The following DOCK7 variants were observed in gnomAD, a reference collection of about 807,000 sequenced individuals.
The protein encoded by DOCK7 is dedicator of cytokinesis 7, also known as dedicator of cytokinesis protein 7.
Under a neutral mutation model 271.0 loss-of-function variants are expected in DOCK7, and 138 were observed. That is an observed-to-expected ratio of 0.51 (90% CI 0.44 to 0.59). The LOEUF (loss-of-function observed/expected upper bound fraction) is 0.59. DOCK7 is among the 20% of genes least tolerant of loss of function. The pLI is 0.00. For synonymous variants in DOCK7, 823 were observed against 876.1 expected (o/e 0.94, Z 1.07); for missense variants, 2,066 against 2,592.4 (o/e 0.80, Z 4.41).
chr1:62,602,394 A>G, intron 14 of DOCK7: 1 of 1,595,652 alleles, frequency 6.3e-7, no homozygotes, highest in Non-Finnish European at 8.6e-7. Context: ...AGGGGACTAC[A>G]TTCAATCATT....
At chr1:62,545,512 T>C (rs982639077) in intron 22 of DOCK7, among the ~76,000 whole-genome samples, 1 of 152,236 alleles carries the variant, frequency 6.6e-6, no homozygotes, top group African/African-American at 2.4e-5. Context: ...ATAATTCTAT[T>C]TGAGCTTGCT....
chr1:62,648,565 A>C (rs1656958568), intron 4 of DOCK7, 21 bp from the exon 5 acceptor site: 2 of 1,194,530 alleles, frequency 1.7e-6, no homozygotes, highest in East Asian at 6.0e-5. Context: ...AAAAAAGTTA[A>C]ATAAATATCA....
At position 62,686,157 on chromosome 1, in the gene DOCK7, C is replaced by CATT. The variant is rs1661699881; in HGVS notation, c.38+2069_38+2070insAAT. On this transcript the variant is annotated intron_variant, in intron 1 of 49. Transcript: ENST00000635253. ...ACTAGGAATACATGTCAAGTAATAA[C>CATT]TTTTTTTTTTTTTTTTTTTTTTTTT... Among the ~76,000 whole-genome samples, 16 of 4,210 alleles carry CATT rather than the reference C, an allele frequency of 3.8e-3. 7 individuals carry two copies. The highest frequency in any genetic ancestry group is 0.015 in the Admixed American group (2 of 136). The allele number at this position is 4,210 out of a possible 152,430, so 2.8% of individuals were successfully genotyped here.
chr1:62,532,087 G>A (rs1392850832), intron 29 of DOCK7, among the ~76,000 whole-genome samples: 1 of 152,162 alleles, frequency 6.6e-6, no homozygotes, highest in African/African-American at 2.4e-5. Flanking sequence ...CTGTTGTCTA[G>A]GCTGTGGCGT....
At chr1:62,571,563 A>C (rs1212632491) in intron 18 of DOCK7, among the ~76,000 whole-genome samples, 1 of 152,196 alleles carries the variant, frequency 6.6e-6, no homozygotes, top group Non-Finnish European at 1.5e-5. Flanking sequence ...TATATACCCA[A>C]AGGAATAGAA....
intron 9 of DOCK7, 131 bp downstream of exon 9, chr1:62,634,642 A>G: frequency 1.1e-6 from 1 of 945,492 alleles, no homozygotes; most frequent in Non-Finnish European, 1.6e-6. Flanking sequence ...TATGTCCAAT[A>G]TTGTGTTAAA....
intron 1 of DOCK7, among the ~76,000 whole-genome samples, chr1:62,679,957 AC>A (rs1173166203): frequency 6.6e-6 from 1 of 152,232 alleles, no homozygotes; most frequent in Non-Finnish European, 1.5e-5. Context: ...AAATGGCCAT[AC>A]TGCCCAAGGT....
intron 1 of DOCK7, among the ~76,000 whole-genome samples, chr1:62,677,583 G>A (rs577899882): frequency 1.6e-4 from 24 of 151,760 alleles, no homozygotes; most frequent in Admixed American, 7.2e-4. Flanking sequence ...AAAAGCCACC[G>A]AAAAAGCAGT....
intron 22 of DOCK7, among the ~76,000 whole-genome samples, chr1:62,546,731 T>C (rs1214852938): frequency 6.6e-6 from 1 of 152,126 alleles, no homozygotes; most frequent in Admixed American, 6.5e-5. Context: ...AGTAAGATTA[T>C]GCAATCAGAT....
At chr1:62,603,960 T>G (rs1308069792) in intron 14 of DOCK7, 1 of 1,612,266 alleles carries the variant, frequency 6.2e-7, no homozygotes, top group Admixed American at 1.7e-5. Flanking sequence ...TTAAAACTTT[T>G]CTTTTCAGGA....
At chr1:62,496,627 A>C in intron 37 of DOCK7, 130 bp from the exon 38 acceptor site, 1 of 792,246 alleles carries the variant, frequency 1.3e-6, no homozygotes, top group East Asian at 2.9e-5. Flanking sequence ...AAAGTAATAA[A>C]ATATGCATAT....
chr1:62,562,001 CAT>C (rs1347170693), intron 18 of DOCK7, among the ~76,000 whole-genome samples: 1 of 151,410 alleles, frequency 6.6e-6, no homozygotes, highest in African/African-American at 2.4e-5. Context: ...CATATATGTA[CAT>C]ATATATGTAC....
chr1:62,605,051 G>C, intron 14 of DOCK7: 1 of 441,812 alleles, frequency 2.3e-6, no homozygotes, highest in Non-Finnish European at 4.1e-6. Context: ...TGTGATGTGG[G>C]AATCAATTTT....
chr1:62,619,833 T>C (rs1374284629), intron 13 of DOCK7, 67 bp downstream of exon 13: 3 of 976,586 alleles, frequency 3.1e-6, no homozygotes, highest in Non-Finnish European at 3.1e-6. Context: ...GATACATAAT[T>C]ATAAGCAATA....
At chr1:62,575,367 T>G (rs1323732910) in intron 18 of DOCK7, among the ~76,000 whole-genome samples, 1 of 152,186 alleles carries the variant, frequency 6.6e-6, no homozygotes, top group Admixed American at 6.5e-5. Context: ...CTACCCATCA[T>G]GAAGACAATG....
At chr1:62,558,275 C>T (rs1002205927) in intron 20 of DOCK7, among the ~76,000 whole-genome samples, 3 of 152,086 alleles carry the variant, frequency 2.0e-5, no homozygotes, top group African/African-American at 7.2e-5. Flanking sequence ...TCCTATTCAT[C>T]TTTAAATACT....
intron 14 of DOCK7, among the ~76,000 whole-genome samples, chr1:62,617,803 T>C (rs1652641427): frequency 6.6e-6 from 1 of 152,054 alleles, no homozygotes. Context: ...TTCACAGTGC[T>C]GATCTAGATG....
At chr1:62,586,125 T>C (rs1211297868) in intron 15 of DOCK7, among the ~76,000 whole-genome samples, 1 of 152,160 alleles carries the variant, frequency 6.6e-6, no homozygotes, top group Non-Finnish European at 1.5e-5. Flanking sequence ...TGGCCTTACA[T>C]TCTAAAGGGA....
At chr1:62,480,478 T>C (rs1056440262) in intron 43 of DOCK7, among the ~76,000 whole-genome samples, 2 of 152,140 alleles carry the variant, frequency 1.3e-5, no homozygotes, top group Non-Finnish European at 2.9e-5. Context: ...AAGGGATATA[T>C]GCTATACTAA....
Sources: allele counts gnomAD v4.1 joint callset (sites outside exome capture counted in the v4.1 genomes callset), GRCh38; gene constraint gnomAD v4.1.1; transcripts MANE v1.5; gene names NCBI Gene and HGNC (gene_info 2026-07-23, HGNC 2026-07-21).